The following COL2A1 variants were observed in gnomAD, a reference collection of about 807,000 sequenced individuals.
COL2A1 encodes the protein collagen type II alpha 1 chain, also known as collagen alpha-1(II) chain.
COL2A1 carries 28 observed loss-of-function variants against 204.5 expected under a neutral mutation model. The ratio of observed to expected loss-of-function variants is 0.14; its 90% CI spans 0.10 to 0.19. The LOEUF (loss-of-function observed/expected upper bound fraction) is 0.19. COL2A1 is among the 10% of genes least tolerant of loss of function. The probability of loss-of-function intolerance (pLI) is 1.00; values close to 1 mark genes in which losing one functional copy is unlikely to be tolerated. For missense variants in COL2A1, 1,388 were observed against 2,027.5 expected (o/e 0.68, Z 6.06); for synonymous variants, 708 against 718.7 (o/e 0.99, Z 0.24).
chr12:47,992,866 T>A lies in COL2A1; in HGVS notation c.1023+12A>T. On this transcript the variant is annotated intron_variant, in intron 16 of 53. Coordinates refer to ENST00000380518, the MANE Select transcript of COL2A1 (RefSeq NM_001844.5). Reference sequence around the variant, plus strand: ...CGGCAAATGGTGGTGTTTGGCTTTGTCAATTACTCACCGCAGCGCCAGCAG... The same window carrying A: ...CGGCAAATGGTGGTGTTTGGCTTTGACAATTACTCACCGCAGCGCCAGCAG... 6.2e-7 allele frequency: 1 copy of A among 1,614,106 alleles called. No individual in the cohort carries two copies. Among genetic ancestry groups the A allele is most frequent in the Non-Finnish European group, 8.5e-7 (1 of 1,179,932 alleles).
Position 47,974,172 on chromosome 12 carries a change from G to A in COL2A1, c.4234C>T (p.Leu1412Phe). 6.2e-7 allele frequency: 1 copy of A among 1,614,232 alleles called. No individual in the cohort carries two copies. The highest frequency in any genetic ancestry group is 1.6e-4 in the Middle Eastern group (1 of 6,062). ...TCCACGTCATTGGAGCCCTGGATGAGCAGGGCCTTCTTGAGGTTGCCAGCT... is the reference window on the plus strand; with the variant it reads ...TCCACGTCATTGGAGCCCTGGATGAACAGGGCCTTCTTGAGGTTGCCAGCT... The part of the protein sequence containing the change: ...EAAGNLKKAL[L>F]IQGSNDVEIR... The change falls in exon 53 of 54, where the codon CTC becomes TTC. Residue 1412 changes from leucine to phenylalanine, a missense_variant. By Grantham distance (22) the Leu-to-Phe change is conservative. Around this residue, in one of 3 missense-constraint regions of COL2A1, gnomAD observed 303 missense variants for 369.2 expected, o/e 0.82. Coordinates refer to ENST00000380518, the MANE Select transcript of COL2A1 (RefSeq NM_001844.5).
intron 2 of COL2A1, 179 bp from the exon 3 acceptor site, chr12:47,998,610 T>TAACACCCCAACAGA: frequency 1.5e-6 from 1 of 655,438 alleles, no homozygotes; most frequent in Non-Finnish European, 2.7e-6. Context: ...ACTGTGGCCC[T>TAACACCCCAACAGA]GGGGTTGCTG....
At chr12:47,998,243 A>T (rs1940058630) in intron 3 of COL2A1, 42 bp from the exon 4 acceptor site, 16 of 1,613,862 alleles carry the variant, frequency 9.9e-6, no homozygotes, top group Non-Finnish European at 1.4e-5. Flanking sequence ...GAGTAAGCCC[A>T]CTAAGCCCCT....
intron 22 of COL2A1, 138 bp downstream of exon 22, chr12:47,986,697 C>T (rs1939437609): frequency 2.9e-6 from 3 of 1,030,566 alleles, no homozygotes; most frequent in Non-Finnish European, 4.6e-6. Context: ...CCTGTTAAGT[C>T]TCCTCCAGGC....
Position 47,977,301 on chromosome 12 carries a change from C to A in COL2A1, c.3273+19G>T, listed in dbSNP as rs1565670054. 1 of 1,606,598 alleles carries A rather than the reference C, an allele frequency of 6.2e-7. No homozygotes were observed. The highest frequency in any genetic ancestry group is 2.2e-5 in the East Asian group (1 of 44,838). The stretch of plus-strand genomic sequence containing the variant: ...ACCGCGCAGGGGAAGGCGGCTTTTA[C>A]TGAATTCAGGATACTTACAGCTTCT... On this transcript the variant is annotated intron_variant, in intron 46 of 53. Transcript: ENST00000380518.
In COL2A1 at chr12:47,985,127, C is replaced by T. The variant is rs771227808; in HGVS notation, c.1735-34G>A. ...CAGAACACCATTCTCAGAACATAGA[C>T]ACTCTGACCACATCCATCCACCCAA... On this transcript the variant is annotated intron_variant, in intron 26 of 53. Coordinates refer to ENST00000380518, the MANE Select transcript of COL2A1 (RefSeq NM_001844.5). The T allele has an allele frequency of 2.6e-6, 4 of 1,544,668 alleles. 1 individual carries two copies. In the East Asian group the frequency reaches 6.8e-5, roughly 26 times the overall value.
rs374623657 is a variant in COL2A1, at chr12:47,979,611, G to A, written c.2680-47C>T. On this transcript the variant is annotated intron_variant, in intron 40 of 53. Coordinates refer to ENST00000380518, the MANE Select transcript of COL2A1 (RefSeq NM_001844.5). The stretch of plus-strand genomic sequence containing the variant: ...CCTGAGAACCTCAAGCCCTCAGGAG[G>A]TTTGAGATTAAAATGGGCGGGGGGC... 1.4e-5 allele frequency: 14 copies of A among 985,030 alleles called. No homozygotes were observed. In the African/African-American group the frequency reaches 2.3e-4, roughly 16 times the overall value. The allele number at this position is 985,030 out of a possible 1,614,324, so 61.0% of individuals were successfully genotyped here.
chr12:47,974,314 G>A lies in COL2A1; in HGVS notation c.4092C>T (p.Asp1364=), dbSNP rs766131966. The A allele has an allele frequency of 2.5e-6, 4 of 1,614,058 alleles. No homozygotes were observed. Among genetic ancestry groups the A allele is most frequent in the Non-Finnish European group, 3.4e-6 (4 of 1,180,020 alleles). The stretch of plus-strand genomic sequence containing the variant: ...CGTTGGCAGTGTTGGGAGCCAGATT[G>A]TCATCTCCATAGCTGAACTGTTGGG... ...NGGFHFSYGD[D]NLAPNTANVQ... Residue 1364 remains aspartate (D), a synonymous_variant, in exon 53 of 54, where the codon GAC becomes GAT. Transcript: ENST00000380518.
intron 16 of COL2A1, 112 bp from the exon 17 acceptor site, chr12:47,989,917 G>T: frequency 1.9e-6 from 2 of 1,043,936 alleles, no homozygotes; most frequent in Non-Finnish European, 3.0e-6. Flanking sequence ...GGTGTCCCAG[G>T]GCAGAGCACG....
chr12:47,981,515 C>A, intron 36 of COL2A1, 119 bp from the exon 37 acceptor site: 2 of 984,156 alleles, frequency 2.0e-6, no homozygotes, highest in Non-Finnish European at 1.6e-6. Context: ...CCCCCTGGCA[C>A]AGCCTGTGTT....
chr12:47,981,839 G>A lies in COL2A1; in HGVS notation c.2356-10C>T, dbSNP rs1476868000. ...TGGGACCTGTCAGGCCCTGCGGGGA[G>A]AGCAGGTAGAGGTGAGGGAGGCAGG... is the stretch of plus-strand genomic sequence containing the variant. On this transcript the variant is annotated splice_polypyrimidine_tract_variant and intron_variant, in intron 35 of 53. Transcript: ENST00000380518. 6.4e-7 allele frequency: 1 copy of A among 1,553,726 alleles called. No homozygotes were observed. The highest frequency in any genetic ancestry group is 2.0e-5 in the Admixed American group (1 of 51,268).
At chr12:47,979,293 G>C (rs1418051840) in intron 41 of COL2A1, among the ~76,000 whole-genome samples, 1 of 152,172 alleles carries the variant, frequency 6.6e-6, no homozygotes, top group Non-Finnish European at 1.5e-5. Flanking sequence ...TGCCCACCAA[G>C]CCAGCAGGGC....
At position 47,974,382 on chromosome 12, in the gene COL2A1, G is replaced by C. The variant is rs1021997457; in HGVS notation, c.4075-51C>G. 3 of 1,608,204 alleles carry C rather than the reference G, an allele frequency of 1.9e-6. No individual in the cohort carries two copies. In the Admixed American group the frequency reaches 5.0e-5, roughly 27 times the overall value. Reference sequence around the variant, plus strand: ...GAGGCCTGGGAGCTGGCATTCAATGGGACCAGGGGCTGTAGGGGCTGCCAA... The same window carrying C: ...GAGGCCTGGGAGCTGGCATTCAATGCGACCAGGGGCTGTAGGGGCTGCCAA... On this transcript the variant is annotated intron_variant, in intron 52 of 53. Coordinates refer to ENST00000380518, the MANE Select transcript of COL2A1 (RefSeq NM_001844.5).
At chr12:47,974,639 A>G (rs1938603038) in intron 52 of COL2A1, 36 bp downstream of exon 52, 1 of 1,600,498 alleles carries the variant, frequency 6.2e-7, no homozygotes, top group African/African-American at 1.3e-5. Context: ...TTGAGGAGCC[A>G]TCTCTGCTCA....
chr12:47,986,411 G>T lies in COL2A1; in HGVS notation c.1452C>A (p.Pro484=). Residue 484 remains proline, a synonymous_variant, in exon 23 of 54, where the codon CCC becomes CCA. Coordinates refer to ENST00000380518, the MANE Select transcript of COL2A1 (RefSeq NM_001844.5). ...GPAGPQGAPG[P]AGEEGKRGAR... is the part of the protein sequence containing the mutation. ...CACCTCTCTTGCCTTCTTCACCAGC[G>T]GGTCCAGGGGCTCCCTGGGGGCCAG... The T allele has an allele frequency of 1.3e-6, 2 of 1,562,868 alleles. No individual in the cohort carries two copies. Among genetic ancestry groups the T allele is most frequent in the East Asian group, 4.8e-5 (2 of 41,900 alleles).
chr12:47,983,572 G>A (rs558356187), intron 30 of COL2A1, 111 bp downstream of exon 30: 3 of 1,434,882 alleles, frequency 2.1e-6, no homozygotes, highest in Admixed American at 1.9e-5. Context: ...AAGGCTCGAT[G>A]CCTGGCACCC....
intron 12 of COL2A1, among the ~76,000 whole-genome samples, 186 bp downstream of exon 12, chr12:47,994,238 A>C (rs1939839786): frequency 6.6e-6 from 1 of 152,214 alleles, no homozygotes; most frequent in Middle Eastern, 3.2e-3. Flanking sequence ...AAGTGGTATA[A>C]ATAACAACTG....
At chr12:48,000,255 C>T (rs1479636239) in intron 1 of COL2A1, 130 bp from the exon 2 acceptor site, 1 of 697,442 alleles carries the variant, frequency 1.4e-6, no homozygotes, top group Admixed American at 2.1e-5. Flanking sequence ...GCTGGGGCCA[C>T]CTGGACATAT....
chr12:48,004,749 C>A (rs1055716822), upstream of COL2A1, among the ~76,000 whole-genome samples: 3 of 152,130 alleles, frequency 2.0e-5, no homozygotes, highest in Non-Finnish European at 2.9e-5. Context: ...CCCGGGGCTG[C>A]GGCGCTGCCC....
Sources: allele counts gnomAD v4.1 joint callset (sites outside exome capture counted in the v4.1 genomes callset), GRCh38; gene constraint gnomAD v4.1.1; regional missense constraint gnomAD v4.1.1; transcripts MANE v1.5; gene names NCBI Gene and HGNC (gene_info 2026-07-23, HGNC 2026-07-21).